BPIFB1: variants seen among roughly 807,000 people sequenced by gnomAD.
BPIFB1 encodes the protein BPI fold-containing family B member 1.
In BPIFB1, 34 loss-of-function variants were observed where a neutral mutation model predicts 55.1. The observed-to-expected ratio is 0.62, with a 90% CI of 0.47 to 0.82. The LOEUF (loss-of-function observed/expected upper bound fraction) is 0.82. Among genes scored for constraint, BPIFB1 ranks in the 40% least tolerant of loss-of-function variants. The probability of loss-of-function intolerance (pLI) is 0.00; values close to 1 mark genes in which losing one functional copy is unlikely to be tolerated. For synonymous variants in BPIFB1, 236 were observed against 245.3 expected, an observed-to-expected ratio of 0.96 and a Z score of 0.35; for missense variants, 532 against 593.1, an observed-to-expected ratio of 0.90 and a Z score of 1.07.
Position 33,292,035 on chromosome 20 carries a change from G to A in BPIFB1, c.597+47G>A, listed in dbSNP as rs183586202. On this transcript the variant is annotated intron_variant, in intron 6 of 15. Transcript: ENST00000253354. ...CTGGCCTGTGGGCATTGCGCCCCCT[G>A]TGGGGCTTGGGTGGAACTGCAAGTT... 10 of 1,567,414 alleles carry A rather than the reference G, an allele frequency of 6.4e-6. No homozygotes were observed. In the East Asian group the frequency reaches 2.0e-4, roughly 32 times the overall value.
intron 12 of BPIFB1, 25 bp from the exon 13 acceptor site, chr20:33,304,821 C>T: frequency 1.9e-6 from 3 of 1,614,142 alleles, no homozygotes; most frequent in Non-Finnish European, 2.5e-6. Flanking sequence ...TCAGGGGCCG[C>T]TCTCACAGGC....
intron 11 of BPIFB1, among the ~76,000 whole-genome samples, chr20:33,303,620 T>A (rs1980924420): frequency 6.6e-6 from 1 of 152,182 alleles, no homozygotes; most frequent in Admixed American, 6.5e-5. Context: ...AATCAGTGTG[T>A]CCAGAAAAAT....
At chr20:33,304,118 C>A in intron 12 of BPIFB1, 93 bp downstream of exon 12, 1 of 1,153,866 alleles carries the variant, frequency 8.7e-7, no homozygotes, top group South Asian at 1.3e-5. Flanking sequence ...TTGTGGCTGT[C>A]AGGTGAAGGC....
rs1980900470 is a variant in BPIFB1 at position 33,302,943 on chromosome 20, A to C, written c.1009A>C (p.Ile337Leu). Residue 337 changes from isoleucine to leucine, a missense_variant, in exon 11 of 16, where the codon ATC (isoleucine) becomes CTC (leucine). Physicochemically the swap from Ile to Leu is conservative, Grantham distance 5. Coordinates refer to ENST00000253354, the MANE Select transcript of BPIFB1 (RefSeq NM_033197.3). The part of the protein sequence containing the change: ...KAADKLGSTQ[I>L]VKILTQDTPE... ...TGCAGATAAGCTGGGATCTACCCAG[A>C]TCGTGAAGATCCTAACTCAGGACAC... 1 of 1,614,042 alleles carries C rather than the reference A, an allele frequency of 6.2e-7. No individual in the cohort carries two copies. The highest frequency in any genetic ancestry group is 1.3e-5 in the African/African-American group (1 of 74,922).
At position 33,297,431 on chromosome 20, in the gene BPIFB1, G is replaced by A. The variant is rs1980689160; in HGVS notation, c.598-94G>A. ...TGGCTGGCCATGGGCACAGCAGTAG[G>A]ACACAGGCCAGGTGGGCTGGGCACA... On this transcript the variant is annotated intron_variant, in intron 6 of 15. Coordinates refer to ENST00000253354, the MANE Select transcript of BPIFB1 (RefSeq NM_033197.3). 4.4e-6 allele frequency: 6 copies of A among 1,369,638 alleles called. No individual in the cohort carries two copies. The Admixed American group carries it at 1.0e-4, about 24-fold the overall frequency. The allele number at this position is 1,369,638 out of a possible 1,614,324, so 84.8% of individuals were successfully genotyped here.
chr20:33,294,970 T>G (rs1980588391), intron 6 of BPIFB1, among the ~76,000 whole-genome samples: 1 of 152,164 alleles, frequency 6.6e-6, no homozygotes, highest in Admixed American at 6.5e-5. Flanking sequence ...ATCCCAGCAC[T>G]TCGGGAGGCC....
At position 33,289,968 on chromosome 20, in the gene BPIFB1, T is replaced by C; in HGVS notation, c.341T>C (p.Leu114Pro). Residue 114 changes from leucine to proline, a missense_variant, in exon 4 of 16, where the codon CTG becomes CCG. Transcript: ENST00000253354. Reference protein sequence around the residue: ...NDQELLVKIPLDMVAGFNTPL... With the variant: ...NDQELLVKIPPDMVAGFNTPL... ...CAGGAGCTGCTAGTCAAGATCCCCC[T>C]GGACATGGTGGCTGGATTCAACACG... 1.2e-6 allele frequency: 2 copies of C among 1,614,170 alleles called. No individual in the cohort carries two copies. The highest frequency in any genetic ancestry group is 2.2e-5 in the East Asian group (1 of 44,878).
At chr20:33,283,311 A>G (rs1189037247) in intron 1 of BPIFB1, 57 bp downstream of exon 1, 1 of 152,612 alleles carries the variant, frequency 6.6e-6, no homozygotes, top group Non-Finnish European at 1.5e-5. Context: ...TGAGCTAGAG[A>G]TACCTGTTGG....
rs1980413967 is a variant in BPIFB1, at chr20:33,290,082, AAG to A, written c.365+95_365+96del. On this transcript the variant is annotated intron_variant, in intron 4 of 15. Transcript: ENST00000253354. ...GCCCCCACCATGCAGGTGTCTGGAAAAGAGAGTTCCGAGCAGAGAGAAGAGCA... is the reference window on the plus strand; with the variant it reads ...GCCCCCACCATGCAGGTGTCTGGAAAAGAGTTCCGAGCAGAGAGAAGAGCA... 1.4e-5 allele frequency: 14 copies of A among 1,025,026 alleles called. No homozygotes were observed. The South Asian group carries it at 1.6e-4, about 12-fold the overall frequency. 63.5% of individuals were successfully genotyped at this position (1,025,026 alleles called of 1,614,324 possible).
At chr20:33,286,835 C>T (rs1000663855) in intron 2 of BPIFB1, among the ~76,000 whole-genome samples, 1 of 152,204 alleles carries the variant, frequency 6.6e-6, no homozygotes, top group South Asian at 2.1e-4. Context: ...ACTGTGACAA[C>T]CAAAAAGGTC....
intron 4 of BPIFB1, 81 bp downstream of exon 4, chr20:33,290,073 T>C (rs1308955922): frequency 9.0e-7 from 1 of 1,113,354 alleles, no homozygotes; most frequent in East Asian, 2.4e-5. Context: ...ACCATGCAGG[T>C]GTCTGGAAAA....
rs146092775 is a variant in BPIFB1, at chr20:33,290,183, G to A, written c.365+191G>A. Among the ~76,000 whole-genome samples the A allele has an allele frequency of 9.2e-5, 14 of 152,296 alleles. 1 individual carries two copies. Among genetic ancestry groups the A allele is most frequent in the African/African-American group, 2.9e-4 (12 of 41,558 alleles). ...GCAAAGACAGGGGAAAGAGAGAGGG[G>A]GCATGGTAGGAGATGAGGCCAGCAG... On this transcript the variant is annotated intron_variant, in intron 4 of 15. Transcript: ENST00000253354.
chr20:33,305,913 C>T lies in BPIFB1; in HGVS notation c.1255-89C>T, dbSNP rs1335874678. On this transcript the variant is annotated intron_variant, in intron 13 of 15. Coordinates refer to ENST00000253354, the MANE Select transcript of BPIFB1 (RefSeq NM_033197.3). ...CCTACATCTCCACCAGCCACCTCAC[C>T]CATGGGGAGGAGCCACACCCACGAA... 5.6e-6 allele frequency: 8 copies of T among 1,419,242 alleles called. No homozygotes were observed. In the Admixed American group the frequency reaches 1.3e-4, roughly 24 times the overall value. The allele number at this position is 1,419,242 out of a possible 1,614,324, so 87.9% of individuals were successfully genotyped here. A position where few individuals can be genotyped will look rare whatever the true frequency, so the allele number is the denominator to read the frequency against.
At position 33,288,798 on chromosome 20, in the gene BPIFB1, T is replaced by G; in HGVS notation, c.173T>G (p.Leu58Arg). ...ACCAGCATCCTGCAGCAGCTGCCGC[T>G]GCTCAGTGCCATGCGGGAAAAGCCA... Reference protein sequence around the residue: ...NATSILQQLPLLSAMREKPAG... With the variant: ...NATSILQQLPRLSAMREKPAG... Residue 58 changes from leucine to arginine, a missense_variant, in exon 3 of 16, where the codon CTG becomes CGG. Coordinates refer to ENST00000253354, the MANE Select transcript of BPIFB1 (RefSeq NM_033197.3). 6.2e-7 allele frequency: 1 copy of G among 1,614,000 alleles called. No homozygotes were observed. The highest frequency in any genetic ancestry group is 8.5e-7 in the Non-Finnish European group (1 of 1,180,022).
chr20:33,293,632 T>C (rs577932622), intron 6 of BPIFB1, among the ~76,000 whole-genome samples: 1 of 152,242 alleles, frequency 6.6e-6, no homozygotes, highest in South Asian at 2.1e-4. Flanking sequence ...GAGCCCAGGA[T>C]TTGCGACTTG....
intron 15 of BPIFB1, among the ~76,000 whole-genome samples, chr20:33,308,850 C>T (rs1981136079): frequency 6.6e-6 from 1 of 150,420 alleles, no homozygotes; most frequent in Non-Finnish European, 1.5e-5. Flanking sequence ...ATAATACACA[C>T]ACCACACACA....
At chr20:33,306,713 G>C in intron 14 of BPIFB1, 198 bp from the exon 15 acceptor site, 1 of 596,998 alleles carries the variant, frequency 1.7e-6, no homozygotes, top group South Asian at 2.0e-5. Flanking sequence ...TGAGGGGCCA[G>C]AAGCCAGTGC....
At chr20:33,302,445 T>C (rs757966808) in intron 10 of BPIFB1, 33 bp downstream of exon 10, 3 of 1,612,304 alleles carry the variant, frequency 1.9e-6, no homozygotes, top group Non-Finnish European at 2.5e-6. Context: ...GCTTGAGGGG[T>C]GTTTGCTGTG....
chr20:33,298,436 C>A (rs535971109), intron 7 of BPIFB1, among the ~76,000 whole-genome samples: 17 of 152,364 alleles, frequency 1.1e-4, no homozygotes, highest in Admixed American at 7.8e-4. Context: ...AGTCTACCAA[C>A]TGCACTTTGG....
Sources: allele counts gnomAD v4.1 joint callset (sites outside exome capture counted in the v4.1 genomes callset), GRCh38; gene constraint gnomAD v4.1.1; transcripts MANE v1.5; gene names NCBI Gene and HGNC (gene_info 2026-07-23, HGNC 2026-07-21).